The following COL5A2 variants were observed in gnomAD, a reference collection of about 807,000 sequenced individuals.
COL5A2 encodes the protein collagen alpha-2(V) chain.
COL5A2 carries 23 observed loss-of-function variants against 208.2 expected under a neutral mutation model. That is an observed-to-expected ratio of 0.11 (90% confidence interval 0.08 to 0.16). The LOEUF (loss-of-function observed/expected upper bound fraction) is 0.16, where lower values mean the gene tolerates loss of function less well. Among genes scored for constraint, COL5A2 ranks in the 10% least tolerant of loss-of-function variants. The probability of loss-of-function intolerance (pLI) is 1.00; values close to 1 mark genes in which losing one functional copy is unlikely to be tolerated. For synonymous variants in COL5A2, 625 were observed against 628.5 expected (o/e 0.99, Z 0.08); for missense variants, 1,590 against 1,956.4 (o/e 0.81, Z 3.53).
chr2:189,303,464 T>C, the COL5A2 span, among the ~76,000 whole-genome samples: 1 of 152,116 alleles, frequency 6.6e-6, no homozygotes, highest in Admixed American at 6.6e-5. Context: ...CTGGAGTTGG[T>C]CCTGTCAAAC....
the COL5A2 span, among the ~76,000 whole-genome samples, chr2:189,286,016 T>C: frequency 1.3e-5 from 2 of 151,996 alleles, no homozygotes; most frequent in Non-Finnish European, 2.9e-5. Context: ...GCAGCTATTA[T>C]CTAATTATAC....
chr2:189,217,401 TCTTTC>T (rs1689292519), intron 1 of COL5A2, among the ~76,000 whole-genome samples: 1 of 152,232 alleles, frequency 6.6e-6, no homozygotes, highest in Non-Finnish European at 1.5e-5. Flanking sequence ...TTTTTGTCAT[TCTTTC>T]CTTTGTGGTC....
the COL5A2 span, among the ~76,000 whole-genome samples, chr2:189,429,657 A>ACT: frequency 6.6e-6 from 1 of 152,166 alleles, no homozygotes; most frequent in Non-Finnish European, 1.5e-5. Flanking sequence ...GAGTTAACAC[A>ACT]CTCAGGGAAG....
intron 19 of COL5A2, 116 bp downstream of exon 19, chr2:189,068,670 C>A: frequency 1.3e-6 from 1 of 749,384 alleles, no homozygotes; most frequent in Non-Finnish European, 2.4e-6. Flanking sequence ...ATTACAGGTA[C>A]CCCCTAAATA....
At chr2:189,061,133 T>A (rs941315340) in intron 30 of COL5A2, among the ~76,000 whole-genome samples, 1 of 152,140 alleles carries the variant, frequency 6.6e-6, no homozygotes, top group East Asian at 1.9e-4. Flanking sequence ...AGAAAGTTTT[T>A]TTTACAAATT....
At chr2:189,300,844 A>G in the COL5A2 span, among the ~76,000 whole-genome samples, 1 of 152,206 alleles carries the variant, frequency 6.6e-6, no homozygotes. Flanking sequence ...TCCTTAAAGG[A>G]AAATGATCAT....
At chr2:189,430,796 C>A in the COL5A2 span, among the ~76,000 whole-genome samples, 1 of 152,360 alleles carries the variant, frequency 6.6e-6, no homozygotes, top group Middle Eastern at 3.4e-3. Flanking sequence ...CTTCTGCAAT[C>A]TGGCAGCTCT....
the COL5A2 span, among the ~76,000 whole-genome samples, chr2:189,346,150 T>G: frequency 1.3e-5 from 2 of 152,216 alleles, no homozygotes; most frequent in African/African-American, 4.8e-5. Flanking sequence ...TCTAAAATCA[T>G]GAGCAACTAT....
intron 24 of COL5A2, 111 bp downstream of exon 24, chr2:189,064,893 C>T: frequency 9.4e-7 from 1 of 1,060,912 alleles, no homozygotes; most frequent in Non-Finnish European, 1.4e-6. Context: ...TTGTATCCAT[C>T]TCCTTTCTGG....
chr2:189,369,368 TA>T, the COL5A2 span, among the ~76,000 whole-genome samples: 3 of 152,274 alleles, frequency 2.0e-5, no homozygotes, highest in Non-Finnish European at 2.9e-5. Context: ...ATTTGATTAT[TA>T]TTTTTTATCT....
At chr2:189,098,873 GA>G (rs1263561666) in intron 4 of COL5A2, 114 bp from the exon 5 acceptor site, 5 of 735,956 alleles carry the variant, frequency 6.8e-6, no homozygotes, top group Admixed American at 6.1e-5. Flanking sequence ...TTAACAAATG[GA>G]TGTTGTCAAT....
At chr2:189,229,371 C>G (rs1051160574), upstream of COL5A2, among the ~76,000 whole-genome samples, 1 of 151,538 alleles carries the variant, frequency 6.6e-6, no homozygotes, top group South Asian at 2.1e-4. Context: ...AAAATTATCC[C>G]TGTTCATGGA....
the COL5A2 span, among the ~76,000 whole-genome samples, chr2:189,233,545 C>A: frequency 1.3e-5 from 2 of 151,026 alleles, no homozygotes; most frequent in African/African-American, 4.9e-5. Flanking sequence ...ACAGCTTTAC[C>A]TTGGTATTTG....
At chr2:189,383,250 C>G in the COL5A2 span, among the ~76,000 whole-genome samples, 1 of 152,166 alleles carries the variant, frequency 6.6e-6, no homozygotes, top group South Asian at 2.1e-4. Context: ...ATGCATTGGT[C>G]TCTCCTGAGG....
intron 6 of COL5A2, 86 bp from the exon 7 acceptor site, chr2:189,092,506 G>A (rs1686809995): frequency 1.2e-6 from 1 of 812,340 alleles, no homozygotes; most frequent in Non-Finnish European, 2.1e-6. Context: ...TTAATGGCAA[G>A]GGAGTGTTTA....
At chr2:189,366,776 T>G in the COL5A2 span, among the ~76,000 whole-genome samples, 1 of 152,214 alleles carries the variant, frequency 6.6e-6, no homozygotes, top group Admixed American at 6.5e-5. Context: ...TTACCACAAG[T>G]GTTAGCTACA....
intron 1 of COL5A2, among the ~76,000 whole-genome samples, chr2:189,141,148 G>A (rs1490310376): frequency 6.6e-6 from 1 of 152,168 alleles, no homozygotes; most frequent in Non-Finnish European, 1.5e-5. Flanking sequence ...GGCAATATGA[G>A]CTGAGGATTC....
chr2:189,119,140 G>C (rs2105731501), intron 1 of COL5A2, among the ~76,000 whole-genome samples: 1 of 152,156 alleles, frequency 6.6e-6, no homozygotes, highest in Middle Eastern at 3.4e-3. Flanking sequence ...AAGAGTTGTT[G>C]CCTTTATTGG....
At chr2:189,372,238 C>A in the COL5A2 span, among the ~76,000 whole-genome samples, 1 of 152,152 alleles carries the variant, frequency 6.6e-6, no homozygotes, top group Admixed American at 6.5e-5. Context: ...TGGGAAAACA[C>A]TTAGAACAGA....
Sources: gnomAD v4.1 joint callset for allele counts (sites outside exome capture counted in the v4.1 genomes callset) on GRCh38, gnomAD v4.1.1 for gene constraint, MANE v1.5 for transcripts, NCBI Gene and HGNC (gene_info 2026-07-23, HGNC 2026-07-21) for gene names.